Variants in EPHA6 observed in about 807,000 individuals in gnomAD.
The protein encoded by EPHA6 is EPH receptor A6.
In EPHA6, 50 loss-of-function variants were observed where a neutral mutation model predicts 112.0. The observed-to-expected ratio is 0.45, with a 90% CI of 0.36 to 0.56. The LOEUF (loss-of-function observed/expected upper bound fraction) is 0.56. Among genes scored for constraint, EPHA6 ranks in the 20% least tolerant of loss-of-function variants. EPHA6 has a pLI of 0.00. For missense variants in EPHA6, 1,280 were observed against 1,417.4 expected, an observed-to-expected ratio of 0.90 and a Z score of 1.56; for synonymous variants, 529 against 490.7, an observed-to-expected ratio of 1.08 and a Z score of -1.03.
At position 96,965,716 on chromosome 3, in the gene EPHA6, G is replaced by A. The variant is rs185974126; in HGVS notation, c.451-21614G>A. ...TTTTGTACTTCAGATTTTTATTTAA[G>A]GAGTTTTATCCAGCCCTCGTTCAGC... is the stretch of plus-strand genomic sequence containing the variant. On this transcript the variant is annotated intron_variant, in intron 2 of 17. Transcript: ENST00000389672. Among the ~76,000 whole-genome samples, 13 of 152,012 alleles carry A rather than the reference G, an allele frequency of 8.6e-5. No individual in the cohort carries two copies. In the East Asian group the frequency reaches 2.1e-3, roughly 25 times the overall value.
At chr3:97,329,661 GTTGT>G (rs1204503491) in intron 5 of EPHA6, among the ~76,000 whole-genome samples, 4 of 152,122 alleles carry the variant, frequency 2.6e-5, no homozygotes, top group Non-Finnish European at 5.9e-5. Flanking sequence ...TTTTGATGGG[GTTGT>G]TTGTTTTTTT....
rs2091341574 is a variant in EPHA6, at chr3:97,475,434, C to T, written c.1977C>T (p.Leu659=). ...GCGGATTCACTCTCCTCGTCATCCTCACTTTATTCTTCTTGATCACTGGGA... is the reference window on the plus strand; with the variant it reads ...GCGGATTCACTCTCCTCGTCATCCTTACTTTATTCTTCTTGATCACTGGGA... ...AVGGFTLLVI[L]TLFFLITGRC... The change falls in exon 8 of 18, where the codon CTC becomes CTT. Residue 659 remains leucine, a synonymous_variant. Coordinates refer to ENST00000389672, the MANE Select transcript of EPHA6 (RefSeq NM_001080448.3). 6.2e-7 allele frequency: 1 copy of T among 1,611,564 alleles called. No homozygotes were observed. Among genetic ancestry groups the T allele is most frequent in the Non-Finnish European group, 8.5e-7 (1 of 1,178,582 alleles).
intron 5 of EPHA6, among the ~76,000 whole-genome samples, chr3:97,382,085 T>C (rs1577174629): frequency 6.6e-6 from 1 of 152,228 alleles, no homozygotes; most frequent in South Asian, 2.1e-4. Flanking sequence ...TATTTAGAAA[T>C]GTATATTTTA....
At chr3:97,571,521 C>T (rs1204679312) in intron 11 of EPHA6, among the ~76,000 whole-genome samples, 1 of 152,174 alleles carries the variant, frequency 6.6e-6, no homozygotes, top group South Asian at 2.1e-4. Context: ...GTCATTCTCT[C>T]AGTGACCTGG....
intron 3 of EPHA6, among the ~76,000 whole-genome samples, chr3:97,059,389 A>G (rs1175169999): frequency 6.6e-6 from 1 of 152,174 alleles, no homozygotes; most frequent in East Asian, 1.9e-4. Context: ...CTTGGGGAAG[A>G]TTATCATTTT....
chr3:97,692,554 C>A (rs2032739023), intron 14 of EPHA6, among the ~76,000 whole-genome samples: 2 of 152,162 alleles, frequency 1.3e-5, no homozygotes, highest in African/African-American at 4.8e-5. Flanking sequence ...CCTCAGCTAC[C>A]TCAGGAGTCC....
intron 3 of EPHA6, among the ~76,000 whole-genome samples, chr3:97,137,397 C>G (rs2075793203): frequency 6.6e-6 from 1 of 152,046 alleles, no homozygotes; most frequent in South Asian, 2.1e-4. Context: ...GGATTCAAGT[C>G]TAGATTTGAG....
chr3:97,293,170 G>C (rs1331094922), intron 5 of EPHA6, among the ~76,000 whole-genome samples: 2 of 151,774 alleles, frequency 1.3e-5, no homozygotes, highest in African/African-American at 4.8e-5. Flanking sequence ...CCCAGCAAGC[G>C]TCCAGCTCTC....
chr3:97,318,169 TTA>T (rs2081935619), intron 5 of EPHA6, among the ~76,000 whole-genome samples: 1 of 151,898 alleles, frequency 6.6e-6, no homozygotes, highest in Admixed American at 6.6e-5. Context: ...CATTTTAACG[TTA>T]AAGTCCAGAA....
chr3:97,220,551 C>T (rs929299257), intron 3 of EPHA6, among the ~76,000 whole-genome samples: 1 of 152,126 alleles, frequency 6.6e-6, no homozygotes, highest in Non-Finnish European at 1.5e-5. Flanking sequence ...AGCAAGGGAC[C>T]TTCTTCACAA....
At chr3:97,271,708 A>G (rs568364530) in intron 5 of EPHA6, among the ~76,000 whole-genome samples, 1 of 152,356 alleles carries the variant, frequency 6.6e-6, no homozygotes, top group African/African-American at 2.4e-5. Context: ...CTTACACTTT[A>G]TGCAATTTTT....
At chr3:97,165,798 A>G (rs1406887056) in intron 3 of EPHA6, among the ~76,000 whole-genome samples, 1 of 152,198 alleles carries the variant, frequency 6.6e-6, no homozygotes, top group African/African-American at 2.4e-5. Flanking sequence ...AAGTAAATAA[A>G]TTCTTATTGG....
rs916949146 is a variant in EPHA6, at chr3:96,917,434, A to C, written c.450+50545A>C. On this transcript the variant is annotated intron_variant, in intron 2 of 17. Coordinates refer to ENST00000389672, the MANE Select transcript of EPHA6 (RefSeq NM_001080448.3). ...ACTCCATCTCAAAAAAAAAAAAAAA[A>C]AAAAAGAATTTTTTTTCATTATAGT... Among the ~76,000 whole-genome samples, 12 of 151,636 alleles carry C rather than the reference A, an allele frequency of 7.9e-5. No homozygotes were observed. The South Asian group carries it at 1.9e-3, about 24-fold the overall frequency.
intron 5 of EPHA6, among the ~76,000 whole-genome samples, chr3:97,388,267 T>C (rs1255006146): frequency 6.6e-6 from 1 of 152,198 alleles, no homozygotes; most frequent in Non-Finnish European, 1.5e-5. Flanking sequence ...CCACTAGCAT[T>C]GAAACCATGC....
chr3:97,568,092 G>A (rs1332642028), intron 11 of EPHA6, among the ~76,000 whole-genome samples: 1 of 152,194 alleles, frequency 6.6e-6, no homozygotes, highest in Non-Finnish European at 1.5e-5. Flanking sequence ...ACGTATCAAA[G>A]ACTTGCTGTA....
At chr3:97,110,241 C>T (rs918269521) in intron 3 of EPHA6, among the ~76,000 whole-genome samples, 14 of 152,064 alleles carry the variant, frequency 9.2e-5, no homozygotes, top group Admixed American at 2.0e-4. Flanking sequence ...ATTACTTAAA[C>T]ATGGTAATGA....
intron 14 of EPHA6, among the ~76,000 whole-genome samples, chr3:97,672,229 A>C (rs2030919177): frequency 6.6e-6 from 1 of 152,224 alleles, no homozygotes; most frequent in South Asian, 2.1e-4. Context: ...AAGTGCTTTT[A>C]CAGGGCTACC....
chr3:97,596,533 G>C (rs1325482895), intron 12 of EPHA6, among the ~76,000 whole-genome samples: 1 of 151,666 alleles, frequency 6.6e-6, no homozygotes, highest in Non-Finnish European at 1.5e-5. Context: ...TCACTTCTCA[G>C]CAATAACTAT....
intron 12 of EPHA6, among the ~76,000 whole-genome samples, chr3:97,609,468 C>A (rs2093702376): frequency 6.6e-6 from 1 of 151,306 alleles, no homozygotes; most frequent in Non-Finnish European, 1.5e-5. Flanking sequence ...CGATAAAGTT[C>A]TTTATTCATA....
Sources: allele counts gnomAD v4.1 joint callset (sites outside exome capture counted in the v4.1 genomes callset), GRCh38; gene constraint gnomAD v4.1.1; transcripts MANE v1.5; gene names NCBI Gene and HGNC (gene_info 2026-07-23, HGNC 2026-07-21).